The following KMT2C variants were observed in gnomAD, a reference collection of about 807,000 sequenced individuals.
The protein encoded by KMT2C is lysine methyltransferase 2C, also known as histone-lysine N-methyltransferase 2C.
A neutral mutation model predicts 507.9 loss-of-function variants in KMT2C; 88 were observed. The observed-to-expected ratio is 0.17, with a 90% CI of 0.15 to 0.21. KMT2C has a LOEUF of 0.21. Ranked by LOEUF, KMT2C falls within the 10% of genes least tolerant of loss-of-function variation. The probability of loss-of-function intolerance (pLI) is 1.00; values close to 1 mark genes in which losing one functional copy is unlikely to be tolerated. For missense variants in KMT2C, 4,954 were observed against 5,957.8 expected, an observed-to-expected ratio of 0.83 and a Z score of 5.55; for synonymous variants, 2,049 against 2,080.8, an observed-to-expected ratio of 0.98 and a Z score of 0.42.
chr7:152,387,329 T>C (rs188334607), intron 1 of KMT2C, among the ~76,000 whole-genome samples: 1,591 of 151,998 alleles, frequency 0.01, 28 homozygotes, highest in African/African-American at 0.035. Flanking sequence ...TTTTCAAAAA[T>C]AGAATATAAT....
At chr7:152,169,080 T>C (rs1434008123) in intron 41 of KMT2C, 106 bp downstream of exon 41, 4 of 670,334 alleles carry the variant, frequency 6.0e-6, no homozygotes, top group Non-Finnish European at 1.1e-5. Flanking sequence ...GGAGGGCACC[T>C]GGGCTTGAAC....
At chr7:152,311,702 G>C in intron 5 of KMT2C, 96 bp downstream of exon 5, 1 of 837,844 alleles carries the variant, frequency 1.2e-6, no homozygotes, top group Non-Finnish European at 1.8e-6. Context: ...ATTATTTCTA[G>C]ATGAAAGGTA....
intron 9 of KMT2C, among the ~76,000 whole-genome samples, chr7:152,261,976 C>G (rs1490301620): frequency 6.6e-6 from 1 of 152,054 alleles, no homozygotes; most frequent in Admixed American, 6.6e-5. Flanking sequence ...CTTTTTCCCC[C>G]CAGGAGAGAA....
At position 152,177,230 on chromosome 7, in the gene KMT2C, A is replaced by G. The variant is rs1215337373; in HGVS notation, c.8223T>C (p.Asn2741=). The G allele has an allele frequency of 1.2e-6, 2 of 1,613,908 alleles. No individual in the cohort carries two copies. Among genetic ancestry groups the G allele is most frequent in the East Asian group, 2.2e-5 (1 of 44,880 alleles). The change falls in exon 38 of 59, where the codon AAT becomes AAC. Residue 2741 remains asparagine (N), a synonymous_variant. Transcript: ENST00000262189. ...ELDTLDNLET[N]DPNLDDLLRS... ...TTAAGAGGTCATCCAGGTTGGGATC[A>G]TTAGTTTCCAAATTATCTAAAGTAT...
chr7:152,178,782 G>C (rs527291731), intron 37 of KMT2C, among the ~76,000 whole-genome samples: 1 of 152,066 alleles, frequency 6.6e-6, no homozygotes, highest in African/African-American at 2.4e-5. Flanking sequence ...TGGAGGTAGA[G>C]ATATAAGACT....
chr7:152,296,658 G>A (rs1490591885), intron 6 of KMT2C, among the ~76,000 whole-genome samples: 1 of 152,016 alleles, frequency 6.6e-6, no homozygotes, highest in Non-Finnish European at 1.5e-5. Flanking sequence ...GATGCACCAA[G>A]AAAAGATGTT....
At position 152,371,003 on chromosome 7, in the gene KMT2C, A is replaced by G. The variant is rs188775960; in HGVS notation, c.162-12328T>C. 1.6e-4 allele frequency among the ~76,000 whole-genome samples: 25 copies of G among 152,358 alleles called. No individual in the cohort carries two copies. The East Asian group carries it at 3.9e-3, about 23-fold the overall frequency. ...TTAGACCTGCCTTACAAGAAATGCT[A>G]AAGAAAGTTCTTCAAATTGAAACAA... On this transcript the variant is annotated intron_variant, in intron 1 of 58. Transcript: ENST00000262189.
chr7:152,424,750 T>C (rs1198156380), intron 1 of KMT2C, among the ~76,000 whole-genome samples: 1 of 152,150 alleles, frequency 6.6e-6, no homozygotes, highest in East Asian at 1.9e-4. Context: ...CTAATCACTT[T>C]TGTGTCTGTA....
Position 152,167,384 on chromosome 7 carries a change from G to A in KMT2C, c.9518-6C>T, listed in dbSNP as rs746916800. ...CTGCTTACGCTGTGAATCATCTGAG[G>A]AAAAATTAAAATTCAGTTGTGTTAA... is the stretch of plus-strand genomic sequence containing the variant. On this transcript the variant is annotated splice_polypyrimidine_tract_variant and splice_region_variant and intron_variant, in intron 41 of 58. Coordinates refer to ENST00000262189, the MANE Select transcript of KMT2C (RefSeq NM_170606.3). 6.3e-7 allele frequency: 1 copy of A among 1,579,954 alleles called. No individual in the cohort carries two copies. The highest frequency in any genetic ancestry group is 2.2e-5 in the East Asian group (1 of 44,626).
chr7:152,149,315 G>A (rs2091414882), intron 51 of KMT2C, among the ~76,000 whole-genome samples, 163 bp from the exon 52 acceptor site: 1 of 152,232 alleles, frequency 6.6e-6, no homozygotes, highest in Admixed American at 6.5e-5. Context: ...CACCGCAGAA[G>A]CTGACCATGC....
intron 41 of KMT2C, among the ~76,000 whole-genome samples, chr7:152,168,615 C>A (rs943079354): frequency 4.6e-5 from 7 of 151,896 alleles, no homozygotes; most frequent in African/African-American, 1.5e-4. Context: ...CAGAGGTGAG[C>A]AAAATGAAAA....
chr7:152,193,856 T>C (rs1021622779), intron 31 of KMT2C, among the ~76,000 whole-genome samples, 153 bp downstream of exon 31: 4 of 152,232 alleles, frequency 2.6e-5, no homozygotes, highest in African/African-American at 7.2e-5. Context: ...GTGAAGTCAG[T>C]ATTTTTCAAT....
At position 152,350,313 on chromosome 7, in the gene KMT2C, G is replaced by T. The variant is rs746953365; in HGVS notation, c.250+8274C>A. Among the ~76,000 whole-genome samples, 4 of 152,264 alleles carry T rather than the reference G, an allele frequency of 2.6e-5. No homozygotes were observed. In the East Asian group the frequency reaches 7.7e-4, roughly 29 times the overall value. ...AAACTTATGCTAGAAGTAACTGAAT[G>T]TATCGATGTGAACTCACATTTGTAA... On this transcript the variant is annotated intron_variant, in intron 2 of 58. Transcript: ENST00000262189.
intron 1 of KMT2C, 115 bp from the exon 2 acceptor site, chr7:152,358,790 C>T: frequency 1.5e-6 from 1 of 647,598 alleles, no homozygotes; most frequent in East Asian, 2.6e-5. Flanking sequence ...GTAATTAGGG[C>T]ATTTTTCCAG....
At chr7:152,288,708 T>C (rs1170071514) in intron 6 of KMT2C, among the ~76,000 whole-genome samples, 1 of 152,056 alleles carries the variant, frequency 6.6e-6, no homozygotes, top group Non-Finnish European at 1.5e-5. Flanking sequence ...CCTAAGAGGA[T>C]ACACACAAAT....
intron 2 of KMT2C, among the ~76,000 whole-genome samples, chr7:152,339,507 G>A (rs2096970385): frequency 6.6e-6 from 1 of 152,136 alleles, no homozygotes. Context: ...GATGTTATAA[G>A]ATTACAAGTT....
chr7:152,229,119 C>T (rs1184004030), intron 18 of KMT2C, among the ~76,000 whole-genome samples: 1 of 152,112 alleles, frequency 6.6e-6, no homozygotes, highest in Non-Finnish European at 1.5e-5. Flanking sequence ...ATAAAAATCA[C>T]TCATGGTTCA....
intron 56 of KMT2C, 64 bp downstream of exon 56, chr7:152,139,611 C>A: frequency 9.0e-7 from 1 of 1,112,210 alleles, no homozygotes; most frequent in Non-Finnish European, 1.4e-6. Context: ...GGGTGTCTGG[C>A]TGGCACGGAG....
intron 6 of KMT2C, among the ~76,000 whole-genome samples, chr7:152,308,528 T>C (rs1158122967): frequency 6.6e-6 from 1 of 151,266 alleles, no homozygotes; most frequent in Non-Finnish European, 1.5e-5. Context: ...ATACAAAAAT[T>C]AGCCGGTGTG....
Sources: allele counts gnomAD v4.1 joint callset (sites outside exome capture counted in the v4.1 genomes callset), GRCh38; gene constraint gnomAD v4.1.1; transcripts MANE v1.5; gene names NCBI Gene and HGNC (gene_info 2026-07-23, HGNC 2026-07-21).